The following DARS2 variants were observed in gnomAD, a reference collection of about 807,000 sequenced individuals.
DARS2 encodes aspartate--tRNA ligase, mitochondrial.
A neutral mutation model predicts 83.0 loss-of-function variants in DARS2; 63 were observed. The ratio of observed to expected loss-of-function variants is 0.76; its 90% confidence interval spans 0.62 to 0.94. DARS2 has a LOEUF of 0.94. Ranked by LOEUF, DARS2 falls within the 40% of genes least tolerant of loss-of-function variation. The probability of loss-of-function intolerance (pLI) is 0.00; values close to 1 mark genes in which losing one functional copy is unlikely to be tolerated. For missense variants in DARS2, 675 were observed against 774.4 expected (o/e 0.87, Z 1.52); for synonymous variants, 250 against 269.3 (o/e 0.93, Z 0.70).
chr1:173,827,546 G>A (rs1394010175), intron 2 of DARS2, among the ~76,000 whole-genome samples: 2 of 152,116 alleles, frequency 1.3e-5, no homozygotes, highest in East Asian at 3.9e-4. Flanking sequence ...AAGGAGAATT[G>A]CTTGAACCCA....
chr1:173,833,884 C>T lies in DARS2; in HGVS notation c.616+385C>T, dbSNP rs1652884225. Among the ~76,000 whole-genome samples the T allele has an allele frequency of 3.9e-5, 6 of 152,016 alleles. No individual in the cohort carries two copies. The South Asian group carries it at 1.2e-3, about 32-fold the overall frequency. On this transcript the variant is annotated intron_variant, in intron 6 of 16. Transcript: ENST00000649689. Reference sequence around the variant, plus strand: ...AACCGATCCTCCCACCACACCTTCCCAAGTAGCTAGGACCACAGACATGCA... The same window carrying T: ...AACCGATCCTCCCACCACACCTTCCTAAGTAGCTAGGACCACAGACATGCA...
chr1:173,853,320 A>G, intron 13 of DARS2, 29 bp from the exon 14 acceptor site: 1 of 1,605,154 alleles, frequency 6.2e-7, no homozygotes, highest in South Asian at 1.1e-5. Flanking sequence ...TCAAGAAGTT[A>G]ACTCAATGTT....
rs549839808 is a variant in DARS2 at position 173,844,669 on chromosome 1, C to CA, written c.1129-521dup. Among the ~76,000 whole-genome samples, 10 of 29,892 alleles carry CA rather than the reference C, an allele frequency of 3.3e-4. 1 individual carries two copies. Among genetic ancestry groups the CA allele is most frequent in the Non-Finnish European group, 4.4e-4 (6 of 13,636 alleles). The allele number at this position is 29,892 out of a possible 152,430, so 19.6% of individuals were successfully genotyped here. ...TGGGTGACAGAGCTAGACTCCATCG[C>CA]AAAAAAAAAAAAAAAAAAAAAAAAA... is the stretch of plus-strand genomic sequence containing the variant. On this transcript the variant is annotated intron_variant, in intron 11 of 16. Coordinates refer to ENST00000649689, the MANE Select transcript of DARS2 (RefSeq NM_018122.5).
Position 173,853,397 on chromosome 1 carries a change from A to G in DARS2, c.1393A>G (p.Thr465Ala), listed in dbSNP as rs780900253. The change falls in exon 14 of 17, where the codon ACA becomes GCA. Residue 465 changes from threonine to alanine, a missense_variant. By Grantham distance (58) the Thr-to-Ala change is moderately conservative. Coordinates refer to ENST00000649689, the MANE Select transcript of DARS2 (RefSeq NM_018122.5). ...LRLECADLLETRGVVLRDPTL... is the reference protein window; with the variant it reads ...LRLECADLLEARGVVLRDPTL... ...ACTGGAATGTGCTGACCTTCTAGAA[A>G]CAAGAGGAGTGGTGCTCCGTGACCC... The G allele has an allele frequency of 6.2e-7, 1 of 1,614,036 alleles. No homozygotes were observed. Among genetic ancestry groups the G allele is most frequent in the Non-Finnish European group, 8.5e-7 (1 of 1,180,026 alleles).
intron 12 of DARS2, 61 bp from the exon 13 acceptor site, chr1:173,850,266 A>T: frequency 6.7e-7 from 1 of 1,497,880 alleles, no homozygotes; most frequent in Non-Finnish European, 9.0e-7. Flanking sequence ...ATAAGAAGAT[A>T]AATTAATCCC....
chr1:173,848,256 G>T (rs1174983192), intron 12 of DARS2, among the ~76,000 whole-genome samples: 3 of 152,114 alleles, frequency 2.0e-5, no homozygotes, highest in African/African-American at 7.2e-5. Context: ...TCCTAAGAAA[G>T]CATGTGAGAG....
intron 1 of DARS2, 103 bp downstream of exon 1, chr1:173,825,459 A>ATTATTATTATTATTATTATTC: frequency 2.3e-6 from 1 of 438,312 alleles, no homozygotes; most frequent in Non-Finnish European, 3.1e-6. Context: ...CATTATTATT[A>ATTATTATTATTATTATTATTC]TTATTATTAT....
Position 173,850,321 on chromosome 1 carries a change from A to T in DARS2, c.1192-6A>T. ...AAACGTGAATAAGTCTTTTTCTTTT[A>T]CACAGGAAATCTTACCTGTATTCCT... On this transcript the variant is annotated splice_region_variant and splice_polypyrimidine_tract_variant and intron_variant, in intron 12 of 16. Coordinates refer to ENST00000649689, the MANE Select transcript of DARS2 (RefSeq NM_018122.5). The T allele has an allele frequency of 6.3e-7, 1 of 1,589,760 alleles. No individual in the cohort carries two copies. The highest frequency in any genetic ancestry group is 1.8e-5 in the Admixed American group (1 of 55,416).
chr1:173,834,742 T>G (rs1405262111), intron 7 of DARS2, among the ~76,000 whole-genome samples: 20 of 132,054 alleles, frequency 1.5e-4, no homozygotes, highest in East Asian at 4.1e-4. Flanking sequence ...GTTTTTTTTT[T>G]TTTTTTTTTT....
At chr1:173,830,340 TAA>T (rs1398290266) in intron 3 of DARS2, among the ~76,000 whole-genome samples, 1 of 152,214 alleles carries the variant, frequency 6.6e-6, no homozygotes, top group Non-Finnish European at 1.5e-5. Flanking sequence ...TAACTGCCCC[TAA>T]GACTAACCCT....
intron 12 of DARS2, among the ~76,000 whole-genome samples, chr1:173,850,014 G>C (rs565570654): frequency 4.6e-5 from 7 of 151,286 alleles, no homozygotes; most frequent in African/African-American, 1.7e-4. Context: ...CACAGAACTG[G>C]CACAGCTACT....
At chr1:173,842,347 G>A (rs1041297343) in intron 11 of DARS2, among the ~76,000 whole-genome samples, 1 of 122,254 alleles carries the variant, frequency 8.2e-6, no homozygotes, top group East Asian at 2.6e-4. Context: ...CGCCCAGGCT[G>A]GAGTGCAGTG....
chr1:173,842,069 G>C (rs557895002), intron 11 of DARS2, among the ~76,000 whole-genome samples: 204 of 152,256 alleles, frequency 1.3e-3, no homozygotes, highest in African/African-American at 4.7e-3. Context: ...AGAAGAGAGA[G>C]AGAGAATGGT....
rs1653907795 is a variant in DARS2 at position 173,857,773 on chromosome 1, C to T, written c.*68C>T. 1.3e-6 allele frequency: 2 copies of T among 1,552,332 alleles called. No homozygotes were observed. Among genetic ancestry groups the T allele is most frequent in the African/African-American group, 1.4e-5 (1 of 73,792 alleles). ...CTCTTTGCTTCCCCAAGGCTAAAGT[C>T]AGATCTAGAGTTCTGCCACAGGTCT... On this transcript the variant is annotated 3_prime_UTR_variant, in exon 17 of 17. Transcript: ENST00000649689.
chr1:173,842,850 A>G (rs1653281962), intron 11 of DARS2, among the ~76,000 whole-genome samples: 1 of 151,206 alleles, frequency 6.6e-6, no homozygotes, highest in South Asian at 2.1e-4. Flanking sequence ...AGGCAGGAGA[A>G]TCACTTGAGC....
At position 173,853,581 on chromosome 1, in the gene DARS2, A is replaced by G. The variant is rs777223028; in HGVS notation, c.1563+14A>G. 1 of 1,613,662 alleles carries G rather than the reference A, an allele frequency of 6.2e-7. No individual in the cohort carries two copies. The highest frequency in any genetic ancestry group is 1.7e-5 in the Admixed American group (1 of 60,020). On this transcript the variant is annotated intron_variant, in intron 14 of 16. Transcript: ENST00000649689. The stretch of plus-strand genomic sequence containing the variant: ...GAGCCCAAAAAGGTACCGTATCTAT[A>G]CTTCCAAATCAAAAGGAAATGTGTA...
At chr1:173,837,452 C>T (rs200700266) in intron 8 of DARS2, among the ~76,000 whole-genome samples, 1 of 152,070 alleles carries the variant, frequency 6.6e-6, no homozygotes, top group Non-Finnish European at 1.5e-5. Flanking sequence ...ACTTTGTGAG[C>T]TAGATCGTTG....
chr1:173,830,240 T>C (rs1250874728), intron 3 of DARS2, among the ~76,000 whole-genome samples: 7 of 152,208 alleles, frequency 4.6e-5, no homozygotes, highest in African/African-American at 1.7e-4. Flanking sequence ...TAAAGAGCAA[T>C]GAATTATCTT....
In DARS2 at chr1:173,856,729, G is replaced by GAATTC; in HGVS notation, c.1738_1739insAATTC (p.Gly580GlufsTer6). 1 of 1,613,954 alleles carries GAATTC rather than the reference G, an allele frequency of 6.2e-7. No individual in the cohort carries two copies. Among genetic ancestry groups the GAATTC allele is most frequent in the Non-Finnish European group, 8.5e-7 (1 of 1,179,936 alleles). On this transcript the variant is annotated frameshift_variant, in exon 16 of 17. Coordinates refer to ENST00000649689, the MANE Select transcript of DARS2 (RefSeq NM_018122.5). LOFTEE classifies it high-confidence loss of function. Reference sequence around the variant, plus strand: ...AGATTATGGGGCACCCCCTCATGGAGGAATTGCCTTAGGTAAACAACTTTT... The same window carrying GAATTC: ...AGATTATGGGGCACCCCCTCATGGAGAATTCGAATTGCCTTAGGTAAACAACTTTT...
Sources: allele counts gnomAD v4.1 joint callset (sites outside exome capture counted in the v4.1 genomes callset), GRCh38; gene constraint gnomAD v4.1.1; transcripts MANE v1.5; gene names NCBI Gene and HGNC (gene_info 2026-07-23, HGNC 2026-07-21).